The following HSF2BP variants were observed in gnomAD, a reference collection of about 807,000 sequenced individuals.
The protein encoded by HSF2BP is heat shock factor 2-binding protein.
A neutral mutation model predicts 35.0 loss-of-function variants in HSF2BP; 35 were observed. The ratio of observed to expected loss-of-function variants is 1.00; its 90% CI spans 0.76 to 1.32. The LOEUF (loss-of-function observed/expected upper bound fraction) is 1.32, where lower values mean the gene tolerates loss of function less well. Among genes scored for constraint, HSF2BP ranks in the 40% most tolerant of loss-of-function variants. The pLI is 0.00. For missense variants in HSF2BP, 326 were observed against 321.7 expected (o/e 1.01, Z -0.10); for synonymous variants, 114 against 117.4 (o/e 0.97, Z 0.18).
chr21:43,633,713 C>A (rs537116794), intron 4 of HSF2BP, among the ~76,000 whole-genome samples: 38 of 152,274 alleles, frequency 2.5e-4, no homozygotes, highest in African/African-American at 8.9e-4. Context: ...ATATCTCAAG[C>A]CCCAAGTAAC....
chr21:43,575,301 C>G (rs1002419071), intron 8 of HSF2BP, among the ~76,000 whole-genome samples: 2 of 152,218 alleles, frequency 1.3e-5, no homozygotes, highest in African/African-American at 4.8e-5. Flanking sequence ...TCCCTTCATG[C>G]TGAAAGGGCA....
intron 7 of HSF2BP, among the ~76,000 whole-genome samples, chr21:43,596,900 A>AT (rs1159085985): frequency 1.1e-5 from 1 of 92,700 alleles, no homozygotes; most frequent in Admixed American, 1.3e-4. Flanking sequence ...AAAAAAAAAA[A>AT]AAAAAGAGAA....
In HSF2BP at chr21:43,630,353, C is replaced by T. The variant is rs2082439605; in HGVS notation, c.543G>A (p.Gln181=). Residue 181 remains glutamine, a synonymous_variant, in exon 6 of 9, where the codon CAG becomes CAA. Transcript: ENST00000291560. ...CAATTCCAGCCAGAGCGAAAACAAACTGACTTTCATCCGAATCCAGCTCCT... is the reference window on the plus strand; with the variant it reads ...CAATTCCAGCCAGAGCGAAAACAAATTGACTTTCATCCGAATCCAGCTCCT... ...DVQELDSDES[Q]FVFALAGIVT... 1.2e-6 allele frequency: 2 copies of T among 1,612,870 alleles called. No homozygotes were observed. Among genetic ancestry groups the T allele is most frequent in the African/African-American group, 1.3e-5 (1 of 74,972 alleles).
Position 43,656,707 on chromosome 21 carries a change from C to T in HSF2BP, c.67G>A (p.Val23Ile), listed in dbSNP as rs2082874115. ...HMGTKEEFVK[V>I]RKKDLERLTT... is the part of the protein sequence containing the mutation. ...AGCCGTTCCAGATCCTTCTTTCTGA[C>T]TTTAACAAATTCCTCTTTAGTTCCC... Residue 23 changes from valine to isoleucine, a missense_variant, in exon 3 of 9, where the codon GTC becomes ATC. Physicochemically the swap from Val to Ile is conservative, Grantham distance 29. Transcript: ENST00000291560. 1 of 1,613,872 alleles carries T rather than the reference C, an allele frequency of 6.2e-7. No homozygotes were observed. The highest frequency in any genetic ancestry group is 1.3e-5 in the African/African-American group (1 of 75,034).
intron 8 of HSF2BP, among the ~76,000 whole-genome samples, chr21:43,583,754 AG>A (rs2081801686): frequency 8.0e-6 from 1 of 125,720 alleles, no homozygotes. Context: ...AGGGAGATGA[AG>A]GGCCTGCTGA....
rs896283905 is a variant in HSF2BP, at chr21:43,657,555, G to C, written c.36+506C>G. 2.0e-5 allele frequency among the ~76,000 whole-genome samples: 3 copies of C among 152,206 alleles called. No homozygotes were observed. In the South Asian group the frequency reaches 6.2e-4, roughly 32 times the overall value. The stretch of plus-strand genomic sequence containing the variant: ...ATTGTCTAGATGGAAATTAAGGCAC[G>C]GGAGCTAGATGACTCTCAATGCAGC... On this transcript the variant is annotated intron_variant, in intron 2 of 8. Transcript: ENST00000291560.
intron 8 of HSF2BP, among the ~76,000 whole-genome samples, chr21:43,582,140 G>A (rs1265462364): frequency 8.3e-6 from 1 of 120,076 alleles, no homozygotes; most frequent in Non-Finnish European, 1.7e-5. Context: ...GGGGATGAGG[G>A]CCTGCTGTGG....
At chr21:43,582,225 C>G (rs1601616591) in intron 8 of HSF2BP, among the ~76,000 whole-genome samples, 2 of 86,826 alleles carry the variant, frequency 2.3e-5, no homozygotes, top group Non-Finnish European at 4.5e-5. Flanking sequence ...TGAGGGCCTG[C>G]TGTGGGGGAT....
chr21:43,658,082 G>A lies in HSF2BP; in HGVS notation c.15C>T (p.Gly5=), dbSNP rs753437855. The A allele has an allele frequency of 5.9e-6, 9 of 1,534,964 alleles. No individual in the cohort carries two copies. In the South Asian group the frequency reaches 6.0e-5, roughly 10 times the overall value. MGEA[G]AAEEACRHMG... is the part of the protein sequence containing the mutation. ...TAACCCGGCAGGCCTCCTCAGCGGCGCCCGCTTCGCCCATGGCCGCTGCCG... is the reference window on the plus strand; with the variant it reads ...TAACCCGGCAGGCCTCCTCAGCGGCACCCGCTTCGCCCATGGCCGCTGCCG... Residue 5 remains glycine, a synonymous_variant, in exon 2 of 9, where the codon GGC becomes GGT. Transcript: ENST00000291560.
At chr21:43,629,158 A>G (rs1325533565) in intron 6 of HSF2BP, among the ~76,000 whole-genome samples, 2 of 152,174 alleles carry the variant, frequency 1.3e-5, no homozygotes, top group African/African-American at 4.8e-5. Flanking sequence ...TTTTTTTAAG[A>G]ACTACATTTC....
intron 7 of HSF2BP, among the ~76,000 whole-genome samples, chr21:43,611,255 A>AT (rs946972731): frequency 2.0e-5 from 3 of 151,736 alleles, no homozygotes; most frequent in East Asian, 1.9e-4. Context: ...CAAAAAAAAA[A>AT]TTTTTTTTGC....
At chr21:43,588,392 T>TAAAAAAAA (rs1299313084) in intron 8 of HSF2BP, among the ~76,000 whole-genome samples, 6 of 151,728 alleles carry the variant, frequency 4.0e-5, no homozygotes, top group African/African-American at 1.5e-4. Flanking sequence ...AATAAATAAA[T>TAAAAAAAA]AAATAAATAA....
chr21:43,576,969 G>T (rs1247940305), intron 8 of HSF2BP, among the ~76,000 whole-genome samples: 1 of 152,206 alleles, frequency 6.6e-6, no homozygotes, highest in Admixed American at 6.5e-5. Flanking sequence ...TATCACCAGT[G>T]CCTGTGCTGG....
chr21:43,644,145 A>G, intron 4 of HSF2BP, 144 bp downstream of exon 4: 2 of 595,530 alleles, frequency 3.4e-6, no homozygotes. Context: ...CTACATTCCA[A>G]CCCACTCAGA....
At chr21:43,598,187 T>A (rs1431735249) in intron 7 of HSF2BP, among the ~76,000 whole-genome samples, 1 of 150,718 alleles carries the variant, frequency 6.6e-6, no homozygotes. Context: ...TTTCTTTTTT[T>A]TTGTTTTTTT....
intron 6 of HSF2BP, among the ~76,000 whole-genome samples, chr21:43,627,723 C>T (rs541157728): frequency 1.3e-5 from 2 of 152,274 alleles, no homozygotes; most frequent in Non-Finnish European, 2.9e-5. Flanking sequence ...AGGCACATTT[C>T]GTTTTATTGC....
At chr21:43,593,109 G>A (rs1223031286) in intron 7 of HSF2BP, among the ~76,000 whole-genome samples, 1 of 152,184 alleles carries the variant, frequency 6.6e-6, no homozygotes, top group Non-Finnish European at 1.5e-5. Context: ...AAATCTTAGA[G>A]GAAAGTGCAA....
At chr21:43,627,268 T>A (rs552970078) in intron 6 of HSF2BP, among the ~76,000 whole-genome samples, 1 of 152,348 alleles carries the variant, frequency 6.6e-6, no homozygotes, top group East Asian at 1.9e-4. Flanking sequence ...TTTACTTTAT[T>A]ATCTTTTAGG....
chr21:43,587,577 A>G (rs2081868980), intron 8 of HSF2BP, among the ~76,000 whole-genome samples: 1 of 151,746 alleles, frequency 6.6e-6, no homozygotes, highest in African/African-American at 2.4e-5. Context: ...AGGCAGGAGA[A>G]TCGCTTGAAG....
Sources: allele counts gnomAD v4.1 joint callset (sites outside exome capture counted in the v4.1 genomes callset), GRCh38; gene constraint gnomAD v4.1.1; transcripts MANE v1.5; gene names NCBI Gene and HGNC (gene_info 2026-07-23, HGNC 2026-07-21).